The following PALLD variants were observed in gnomAD, a reference collection of about 807,000 sequenced individuals.
PALLD encodes palladin.
Under a neutral mutation model 123.5 loss-of-function variants are expected in PALLD, and 61 were observed. The observed-to-expected ratio is 0.49, with a 90% confidence interval of 0.40 to 0.61. PALLD has a LOEUF of 0.61. Among genes scored for constraint, PALLD ranks in the 20% least tolerant of loss-of-function variants. PALLD has a pLI of 0.00. For missense variants in PALLD, 1,273 were observed against 1,377.0 expected, an observed-to-expected ratio of 0.92 and a Z score of 1.20; for synonymous variants, 465 against 496.4, an observed-to-expected ratio of 0.94 and a Z score of 0.84.
At chr4:168,923,922 CAT>C (rs1051730311) in intron 18 of PALLD, among the ~76,000 whole-genome samples, 8 of 75,846 alleles carry the variant, frequency 1.1e-4, no homozygotes, top group Non-Finnish European at 1.7e-4. Flanking sequence ...TGATCGGTAA[CAT>C]AATCACTAGT....
intron 10 of PALLD, chr4:168,863,640 T>G (rs1415232275): frequency 1.3e-5 from 2 of 152,218 alleles, no homozygotes; most frequent in Non-Finnish European, 2.9e-5. Flanking sequence ...AAAAAAAAAG[T>G]TTCCTCTATG....
intron 3 of PALLD, among the ~76,000 whole-genome samples, chr4:168,673,282 T>A (rs1158990269): frequency 6.6e-6 from 1 of 152,200 alleles, no homozygotes. Context: ...AGGTGGCTGA[T>A]GGGATGCGGT....
intron 10 of PALLD, among the ~76,000 whole-genome samples, chr4:168,842,952 C>G (rs1459796404): frequency 1.3e-5 from 2 of 152,104 alleles, no homozygotes; most frequent in African/African-American, 2.4e-5. Context: ...TCAAAAATCC[C>G]AAGTGCTCGT....
At chr4:168,824,792 A>G (rs1037508739) in intron 10 of PALLD, among the ~76,000 whole-genome samples, 12 of 149,670 alleles carry the variant, frequency 8.0e-5, no homozygotes, top group Non-Finnish European at 1.6e-4. Context: ...ACTGTCAATT[A>G]TATAAACTAT....
intron 16 of PALLD, among the ~76,000 whole-genome samples, chr4:168,914,387 G>A (rs1452810902): frequency 6.6e-6 from 1 of 152,172 alleles, no homozygotes; most frequent in Non-Finnish European, 1.5e-5. Context: ...GTGAGTGGAC[G>A]CACACATTAA....
chr4:168,765,119 A>G (rs1472649449), intron 10 of PALLD, among the ~76,000 whole-genome samples: 1 of 152,184 alleles, frequency 6.6e-6, no homozygotes, highest in Non-Finnish European at 1.5e-5. Flanking sequence ...TCTAGTCCTT[A>G]GCTTTAACCT....
intron 8 of PALLD, among the ~76,000 whole-genome samples, chr4:168,694,832 T>G (rs1782988360): frequency 6.6e-6 from 1 of 152,230 alleles, no homozygotes; most frequent in African/African-American, 2.4e-5. Context: ...AATTAATAGC[T>G]AGTCAGCTTA....
At chr4:168,774,355 A>G (rs1406697125) in intron 10 of PALLD, among the ~76,000 whole-genome samples, 2 of 152,226 alleles carry the variant, frequency 1.3e-5, no homozygotes, top group African/African-American at 2.4e-5. Flanking sequence ...TATATATAAG[A>G]AAGAGCACAT....
chr4:168,621,941 T>G (rs1045728628), intron 2 of PALLD, among the ~76,000 whole-genome samples: 3 of 152,150 alleles, frequency 2.0e-5, no homozygotes, highest in African/African-American at 7.2e-5. Context: ...CTTCTTCTGT[T>G]TGACTTATAT....
At chr4:168,564,063 T>C (rs566287440) in intron 2 of PALLD, among the ~76,000 whole-genome samples, 3 of 152,262 alleles carry the variant, frequency 2.0e-5, no homozygotes, top group African/African-American at 7.2e-5. Flanking sequence ...GAAGAAAATC[T>C]CTCTGGGCTT....
chr4:168,538,176 AG>A (rs1471502788), intron 2 of PALLD, among the ~76,000 whole-genome samples: 1 of 152,238 alleles, frequency 6.6e-6, no homozygotes, highest in Non-Finnish European at 1.5e-5. Context: ...AATAAGTAGA[AG>A]CAAAACGGGA....
chr4:168,883,015 C>T (rs375152099), intron 10 of PALLD, among the ~76,000 whole-genome samples: 3 of 150,876 alleles, frequency 2.0e-5, no homozygotes, highest in African/African-American at 4.9e-5. Context: ...CGCTTGAACA[C>T]AGTGGGTGAG....
intron 10 of PALLD, among the ~76,000 whole-genome samples, chr4:168,774,053 C>T (rs1056451841): frequency 1.3e-5 from 2 of 150,538 alleles, no homozygotes; most frequent in Non-Finnish European, 2.9e-5. Flanking sequence ...TCCTCTCAAG[C>T]CACTGTTTTC....
At chr4:168,708,980 A>T in intron 8 of PALLD, 48 bp from the exon 9 acceptor site, 1 of 1,595,562 alleles carries the variant, frequency 6.3e-7, no homozygotes, top group East Asian at 2.2e-5. Context: ...CTTAAAAGTG[A>T]CTTCATGGTT....
chr4:168,899,207 C>T (rs574310192), intron 14 of PALLD, among the ~76,000 whole-genome samples: 6 of 152,038 alleles, frequency 3.9e-5, no homozygotes, highest in African/African-American at 4.8e-5. Flanking sequence ...TTGTTTAGAA[C>T]GGATAATGAC....
rs763900244 is a variant in PALLD, at chr4:168,898,608, A to G, written c.2366A>G (p.Glu789Gly). 5.0e-6 allele frequency: 8 copies of G among 1,613,922 alleles called. No individual in the cohort carries two copies. The highest frequency in any genetic ancestry group is 6.8e-6 in the Non-Finnish European group (8 of 1,179,758). Reference protein sequence around the residue: ...DEVQYGDVPVENGMAPFFEMK... With the variant: ...DEVQYGDVPVGNGMAPFFEMK... Reference sequence around the variant, plus strand: ...GTTCAGTATGGAGATGTGCCTGTGGAAAATGGAATGGCACCATTCTTTGAG... The same window carrying G: ...GTTCAGTATGGAGATGTGCCTGTGGGAAATGGAATGGCACCATTCTTTGAG... The change falls in exon 14 of 22, where the codon GAA becomes GGA. Residue 789 changes from glutamate to glycine, a missense_variant. Around this residue, in one of 2 missense-constraint regions of PALLD, gnomAD observed 944 missense variants for 954.5 expected, o/e 0.99. Transcript: ENST00000505667.
intron 10 of PALLD, among the ~76,000 whole-genome samples, chr4:168,865,769 T>G (rs748814099): frequency 1.5e-3 from 56 of 36,466 alleles, no homozygotes; most frequent in Non-Finnish European, 3.7e-4. Flanking sequence ...CTTGAAAGAC[T>G]AAAGAATGAA....
chr4:168,903,686 C>A, intron 14 of PALLD, 71 bp from the exon 15 acceptor site: 1 of 1,275,670 alleles, frequency 7.8e-7, no homozygotes, highest in Non-Finnish European at 1.1e-6. Flanking sequence ...CACACTGTTA[C>A]TATTTTCAGT....
chr4:168,629,739 T>C (rs1775638548), intron 2 of PALLD, among the ~76,000 whole-genome samples: 1 of 152,164 alleles, frequency 6.6e-6, no homozygotes, highest in East Asian at 1.9e-4. Context: ...AGTTCTCATT[T>C]GGAGCACAAG....
Sources: allele counts gnomAD v4.1 joint callset (sites outside exome capture counted in the v4.1 genomes callset), GRCh38; gene constraint gnomAD v4.1.1; regional missense constraint gnomAD v4.1.1; transcripts MANE v1.5; gene names NCBI Gene and HGNC (gene_info 2026-07-23, HGNC 2026-07-21).